The following SESN3 variants were observed in gnomAD, a reference collection of about 807,000 sequenced individuals.
SESN3 encodes the protein sestrin 3.
SESN3 carries 21 observed loss-of-function variants against 55.3 expected under a neutral mutation model. The observed-to-expected ratio is 0.38, with a 90% CI of 0.27 to 0.55. The LOEUF is 0.55. SESN3 is among the 20% of genes least tolerant of loss of function. The probability of loss-of-function intolerance (pLI) is 0.76; values close to 1 mark genes in which losing one functional copy is unlikely to be tolerated. For missense variants in SESN3, 408 were observed against 604.3 expected (o/e 0.68, Z 3.41); for synonymous variants, 181 against 203.1 (o/e 0.89, Z 0.93).
chr11:95,195,860 A>C (rs779038775), intron 1 of SESN3, among the ~76,000 whole-genome samples: 1 of 152,206 alleles, frequency 6.6e-6, no homozygotes, highest in Non-Finnish European at 1.5e-5. Flanking sequence ...CGGCTGAGAA[A>C]ATGTCCACTT....
intron 1 of SESN3, among the ~76,000 whole-genome samples, chr11:95,217,791 A>T (rs936385262): frequency 2.6e-5 from 4 of 152,184 alleles, no homozygotes; most frequent in Admixed American, 2.6e-4. Context: ...CATGGAACGC[A>T]TCATATACTG....
In SESN3 at chr11:95,181,292, A is replaced by T. The variant is rs1455492583; in HGVS notation, c.938-2464T>A. On this transcript the variant is annotated intron_variant, in intron 6 of 9. Transcript: ENST00000536441. ...AGTAGTCAGCCAAATAAGAGAAGTG[A>T]TCCTAGGAAAAATCTCTATGCATTA... Among the ~76,000 whole-genome samples the T allele has an allele frequency of 2.0e-5, 3 of 152,118 alleles. No homozygotes were observed. The South Asian group carries it at 6.2e-4, about 31-fold the overall frequency.
intron 5 of SESN3, 36 bp from the exon 6 acceptor site, chr11:95,184,630 T>C (rs1253037811): frequency 2.2e-5 from 34 of 1,579,824 alleles, no homozygotes; most frequent in Non-Finnish European, 2.8e-5. Context: ...GTGCTATTCA[T>C]ACTAAAAGTG....
chr11:95,167,994 A>G lies in SESN3; in HGVS notation c.*5261T>C, dbSNP rs1240555925. The G allele has an allele frequency of 6.6e-6, 1 of 152,152 alleles. No homozygotes were observed. The highest frequency in any genetic ancestry group is 2.4e-5 in the African/African-American group (1 of 41,436). 9.4% of individuals were successfully genotyped at this position (152,152 alleles called of 1,614,324 possible). A position where few individuals can be genotyped will look rare whatever the true frequency, so the allele number is the denominator to read the frequency against. On this transcript the variant is annotated 3_prime_UTR_variant, in exon 10 of 10. Transcript: ENST00000536441. ...CCTCCCATAAGAACAGGATAGGAAC[A>G]GAGGTTAGAGGCTTAGTCTAACCCA...
chr11:95,165,776 T>A lies in SESN3; in HGVS notation c.*7479A>T, dbSNP rs1462028584. On this transcript the variant is annotated 3_prime_UTR_variant, in exon 10 of 10. Transcript: ENST00000536441. The stretch of plus-strand genomic sequence containing the variant: ...TCACTAACAGTTCCTTCTGCATCTG[T>A]CCAAATAATGTTACCCTCCCTCCAA... The A allele has an allele frequency of 1.3e-5, 2 of 152,184 alleles. No individual in the cohort carries two copies. Among genetic ancestry groups the A allele is most frequent in the African/African-American group, 4.8e-5 (2 of 41,440 alleles). 9.4% of individuals were successfully genotyped at this position (152,184 alleles called of 1,614,324 possible).
Position 95,167,012 on chromosome 11 carries a change from C to T in SESN3, c.*6243G>A, listed in dbSNP as rs1859762830. On this transcript the variant is annotated 3_prime_UTR_variant, in exon 10 of 10. Coordinates refer to ENST00000536441, the MANE Select transcript of SESN3 (RefSeq NM_144665.4). ...AAGTCTCTCAACATTACAAAGGAAACTCCTTGGCCACCCAACTAATACATT... is the reference window on the plus strand; with the variant it reads ...AAGTCTCTCAACATTACAAAGGAAATTCCTTGGCCACCCAACTAATACATT... 2 of 152,200 alleles carry T rather than the reference C, an allele frequency of 1.3e-5. No homozygotes were observed. Among genetic ancestry groups the T allele is most frequent in the South Asian group, 4.1e-4 (2 of 4,832 alleles). 9.4% of individuals were successfully genotyped at this position (152,200 alleles called of 1,614,324 possible).
intron 1 of SESN3, among the ~76,000 whole-genome samples, chr11:95,205,251 T>C (rs2134248946): frequency 6.6e-6 from 1 of 152,268 alleles, no homozygotes. Flanking sequence ...AGAGCTTTGA[T>C]ATTATATAAA....
intron 1 of SESN3, among the ~76,000 whole-genome samples, chr11:95,200,255 A>G (rs542148555): frequency 6.6e-6 from 1 of 152,234 alleles, no homozygotes; most frequent in East Asian, 1.9e-4. Context: ...TAAATGAATT[A>G]TAACGGATTG....
rs1283734341 is a variant in SESN3, at chr11:95,223,249, T to C, written c.78+7534A>G. 3.4e-5 allele frequency among the ~76,000 whole-genome samples: 5 copies of C among 148,754 alleles called. No homozygotes were observed. In the Admixed American group the frequency reaches 3.4e-4, roughly 10 times the overall value. On this transcript the variant is annotated intron_variant, in intron 1 of 9. Coordinates refer to ENST00000536441, the MANE Select transcript of SESN3 (RefSeq NM_144665.4). ...TTTAGGAACTCCCACATTCAAACAA[T>C]GCTTGTTATCAGTACCCTGCATTAA...
At chr11:95,193,836 AAT>A (rs564930746) in intron 1 of SESN3, among the ~76,000 whole-genome samples, 100 of 152,242 alleles carry the variant, frequency 6.6e-4, no homozygotes, top group African/African-American at 2.3e-3. Context: ...TCCATAATAA[AAT>A]AGTGTTTTAT....
intron 1 of SESN3, among the ~76,000 whole-genome samples, chr11:95,221,036 C>T (rs1860847733): frequency 6.6e-6 from 1 of 152,188 alleles, no homozygotes; most frequent in Non-Finnish European, 1.5e-5. Context: ...GGCTGGGTGG[C>T]TCGTGCCTTT....
chr11:95,191,927 C>A lies in SESN3; in HGVS notation c.145-326G>T, dbSNP rs186878566. Among the ~76,000 whole-genome samples the A allele has an allele frequency of 2.9e-3, 440 of 152,136 alleles. 4 individuals are homozygous for A. Among genetic ancestry groups the A allele is most frequent in the African/African-American group, 9.8e-3 (407 of 41,512 alleles). On this transcript the variant is annotated intron_variant, in intron 2 of 9. Transcript: ENST00000536441. ...GTCCATTTGCCTGGCCATTGTCACA[C>A]CAATGTGTGGTAAAGCACAGGCAGT...
chr11:95,230,840 G>C lies in SESN3; in HGVS notation c.21C>G (p.Ser7Arg). ...GCAGGTAGTTGGCGGCGGCCGACGG[G>C]CTGCCGCCGCCCCGGTTCATCGTGG... MNRGGG[S>R]PSAAANYLLC... is the part of the protein sequence containing the mutation. Residue 7 changes from serine to arginine, a missense_variant, in exon 1 of 10, where the codon AGC (serine) becomes AGG (arginine). By Grantham distance (110) the Ser-to-Arg change is moderately radical. Around this residue, in one of 4 missense-constraint regions of SESN3, gnomAD observed 61 missense variants for 48.3 expected, o/e 1.26. Transcript: ENST00000536441. The surrounding 1 kb of genome is among the most constrained non-coding windows in gnomAD (Gnocchi z 4.6). The C allele has an allele frequency of 1.3e-6, 2 of 1,582,702 alleles. No homozygotes were observed.
intron 6 of SESN3, 21 bp from the exon 7 acceptor site, chr11:95,178,849 T>A (rs1418255667): frequency 7.3e-7 from 1 of 1,379,274 alleles, no homozygotes; most frequent in Non-Finnish European, 1.0e-6. Context: ...TAATGAACAA[T>A]CTAGTGTTAA....
At chr11:95,198,356 AAAAAG>A (rs1860401740) in intron 1 of SESN3, among the ~76,000 whole-genome samples, 1 of 151,932 alleles carries the variant, frequency 6.6e-6, no homozygotes, top group South Asian at 2.1e-4. Flanking sequence ...AAAAAAAAAA[AAAAAG>A]AACCCAAAAC....
At position 95,185,504 on chromosome 11, in the gene SESN3, A is replaced by G. The variant is rs1212308892; in HGVS notation, c.526-12T>C. The G allele has an allele frequency of 1.3e-5, 20 of 1,544,130 alleles. No individual in the cohort carries two copies. Among genetic ancestry groups the G allele is most frequent in the Non-Finnish European group, 1.7e-5 (19 of 1,118,196 alleles). On this transcript the variant is annotated splice_polypyrimidine_tract_variant and intron_variant, in intron 4 of 9. Coordinates refer to ENST00000536441, the MANE Select transcript of SESN3 (RefSeq NM_144665.4). ...GTTTTGACAAGTTTCTGAAATAAGA[A>G]AGCAAATCAGAGCAAATATAAAAAT...
At chr11:95,192,860 A>C (rs552100673) in intron 2 of SESN3, among the ~76,000 whole-genome samples, 1 of 152,254 alleles carries the variant, frequency 6.6e-6, no homozygotes, top group East Asian at 1.9e-4. Flanking sequence ...AATTAGAAGT[A>C]GAATATTTGT....
chr11:95,179,375 C>T (rs187927254), intron 6 of SESN3, among the ~76,000 whole-genome samples: 15 of 152,126 alleles, frequency 9.9e-5, no homozygotes, highest in South Asian at 2.1e-4. Flanking sequence ...AGGCTGGTCT[C>T]GAACTCCTGA....
intron 1 of SESN3, among the ~76,000 whole-genome samples, chr11:95,194,128 C>G (rs967768453): frequency 5.3e-5 from 8 of 151,808 alleles, no homozygotes; most frequent in African/African-American, 1.9e-4. Context: ...AATGGTATGT[C>G]TGAATGCTGA....
Sources: allele counts gnomAD v4.1 joint callset (sites outside exome capture counted in the v4.1 genomes callset), GRCh38; gene constraint gnomAD v4.1.1; regional missense constraint gnomAD v4.1.1; non-coding constraint Gnocchi (gnomAD v3.1); transcripts MANE v1.5; gene names NCBI Gene and HGNC (gene_info 2026-07-23, HGNC 2026-07-21).